SBSN: variants seen among roughly 807,000 people sequenced by gnomAD.
The protein encoded by SBSN is suprabasin.
SBSN carries 33 observed loss-of-function variants against 42.8 expected under a neutral mutation model. The observed-to-expected ratio is 0.77, with a 90% CI of 0.58 to 1.03. The LOEUF is 1.03. Among genes scored for constraint, SBSN ranks in the 50% least tolerant of loss-of-function variants. The pLI is 0.00. For missense variants in SBSN, 646 were observed against 757.3 expected (o/e 0.85, Z 1.72); for synonymous variants, 276 against 307.0 (o/e 0.90, Z 1.06).
In SBSN at chr19:35,527,757, G is replaced by A; in HGVS notation, c.525C>T (p.His175=). Residue 175 remains histidine, a synonymous_variant, in exon 1 of 4, where the codon CAC becomes CAT. Coordinates refer to ENST00000452271, the MANE Select transcript of SBSN (RefSeq NM_001166034.2). The part of the protein sequence containing the change: ...NEAGRFGQGV[H]HAAGQAGNEA... ...CATTTCCGGCCTGCCCTGCAGCATG[G>A]TGGACTCCCTGGCCAAACCTCCCAG... 1.3e-6 allele frequency: 2 copies of A among 1,582,670 alleles called. No homozygotes were observed. Among genetic ancestry groups the A allele is most frequent in the Non-Finnish European group, 1.7e-6 (2 of 1,165,286 alleles).
At position 35,526,691 on chromosome 19, in the gene SBSN, G is replaced by A; in HGVS notation, c.1591C>T (p.His531Tyr). 6.8e-7 allele frequency: 1 copy of A among 1,472,558 alleles called. No homozygotes were observed. The highest frequency in any genetic ancestry group is 9.1e-7 in the Non-Finnish European group (1 of 1,094,278). The allele number at this position is 1,472,558 out of a possible 1,614,324, so 91.2% of individuals were successfully genotyped here. Residue 531 changes from histidine to tyrosine, a missense_variant, in exon 1 of 4, where the codon CAT becomes TAT. Transcript: ENST00000452271. ...GQAGKELQNA[H>Y]NGVNQASKEA... ...TTGCTGGCTTGGTTGACCCCATTAT[G>A]AGCATTCTGCAGCTCCTTCCCGGCC...
At chr19:35,523,628 G>A in intron 3 of SBSN, 95 bp from the exon 4 acceptor site, 1 of 1,252,288 alleles carries the variant, frequency 8.0e-7, no homozygotes. Context: ...AGCACAAGGG[G>A]ACTGGCTGCT....
chr19:35,526,606 C>T, intron 1 of SBSN, 38 bp downstream of exon 1: 1 of 738,430 alleles, frequency 1.4e-6, no homozygotes, highest in East Asian at 3.2e-5. Flanking sequence ...CCTCCCCCAA[C>T]CCCCCTGTCC....
chr19:35,526,594 T>TCCCTCCCC, intron 1 of SBSN, 50 bp downstream of exon 1: 1 of 817,474 alleles, frequency 1.2e-6, no homozygotes, highest in Non-Finnish European at 1.9e-6. Flanking sequence ...GTTTAACCTT[T>TCCCTCCCC]CCCTCCCCCA....
chr19:35,527,094 C>T lies in SBSN; in HGVS notation c.1188G>A (p.Gln396=). ...CCACTCTGTCTTCCTCCTTCCCCAC[C>T]TGCGAGGCAGCATGGTGGACACCCT... ...FGQGVHHAAS[Q]VGKEEDRVVQ... The change falls in exon 1 of 4, where the codon CAG becomes CAA. Residue 396 remains glutamine (Q), a synonymous_variant. Transcript: ENST00000452271. 1.3e-6 allele frequency: 2 copies of T among 1,537,614 alleles called. No individual in the cohort carries two copies. Among genetic ancestry groups the T allele is most frequent in the Non-Finnish European group, 1.7e-6 (2 of 1,146,940 alleles).
In SBSN at chr19:35,526,749, C is replaced by T; in HGVS notation, c.1533G>A (p.Lys511=). 1 of 1,613,468 alleles carries T rather than the reference C, an allele frequency of 6.2e-7. No individual in the cohort carries two copies. The change falls in exon 1 of 4, where the codon AAG becomes AAA. Residue 511 remains lysine (K), a synonymous_variant. Transcript: ENST00000452271. ...AADQAGKEVE[K]LGQGAHHAAG... ...CAGCATGGTGGGCACCTTGGCCAAG[C>T]TTCTCCACTTCCTTTCCAGCCTGGT...
At position 35,527,172 on chromosome 19, in the gene SBSN, A is replaced by C. The variant is rs866624519; in HGVS notation, c.1110T>G (p.His370Gln). 5.3e-6 allele frequency: 8 copies of C among 1,520,076 alleles called. No individual in the cohort carries two copies. The Admixed American group carries it at 6.1e-5, about 12-fold the overall frequency. The allele number at this position is 1,520,076 out of a possible 1,614,324, so 94.2% of individuals were successfully genotyped here. The stretch of plus-strand genomic sequence containing the variant: ...CCTCATTAACCCCATGGTGGACCCC[A>C]TGGCCGAGCTTCTCTGTTTCCTTCC... ...QFGKETEKLG[H>Q]GVHHGVNEAW... Residue 370 changes from histidine to glutamine, a missense_variant, in exon 1 of 4, where the codon CAT (histidine) becomes CAG (glutamine). By Grantham distance (24) the His-to-Gln change is conservative. Transcript: ENST00000452271.
Position 35,527,158 on chromosome 19 carries a change from C to T in SBSN, c.1124G>A (p.Gly375Glu), listed in dbSNP as rs1279033896. 2 of 1,535,308 alleles carry T rather than the reference C, an allele frequency of 1.3e-6. No individual in the cohort carries two copies. The highest frequency in any genetic ancestry group is 2.5e-5 in the East Asian group (1 of 40,742). ...TEKLGHGVHHGVNEAWKEAEK... is the reference protein window; with the variant it reads ...TEKLGHGVHHEVNEAWKEAEK... ...TGCTTCCTTCCAGGCCTCATTAACC[C>T]CATGGTGGACCCCATGGCCGAGCTT... is the stretch of plus-strand genomic sequence containing the variant. Residue 375 changes from glycine to glutamate, a missense_variant, in exon 1 of 4, where the codon GGG becomes GAG. Coordinates refer to ENST00000452271, the MANE Select transcript of SBSN (RefSeq NM_001166034.2).
rs2071400516 is a variant in SBSN at position 35,527,878 on chromosome 19, T to G, written c.404A>C (p.His135Pro). 6.2e-7 allele frequency: 1 copy of G among 1,614,176 alleles called. No homozygotes were observed. Among genetic ancestry groups the G allele is most frequent in the East Asian group, 2.2e-5 (1 of 44,874 alleles). The change falls in exon 1 of 4, where the codon CAT becomes CCT. Residue 135 changes from histidine to proline, a missense_variant. This residue lies in a region of SBSN where 190 missense variants were observed against 197.1 expected (regional missense o/e 0.96). Coordinates refer to ENST00000452271, the MANE Select transcript of SBSN (RefSeq NM_001166034.2). ...QVGKEADKLIHHGVHHGANQA... is the reference protein window; with the variant it reads ...QVGKEADKLIPHGVHHGANQA... ...GTTGGCCCCGTGATGGACCCCATGATGGATCAGTTTGTCTGCCTCCTTCCC... is the reference window on the plus strand; with the variant it reads ...GTTGGCCCCGTGATGGACCCCATGAGGGATCAGTTTGTCTGCCTCCTTCCC...
rs1218727932 is a variant in SBSN at position 35,527,733 on chromosome 19, A to G, written c.549T>C (p.Asn183=). The stretch of plus-strand genomic sequence containing the variant: ...CTCCCTGGCCAAACCTCCCAGCCTC[A>G]TTTCCGGCCTGCCCTGCAGCATGGT... ...GVHHAAGQAG[N]EAGRFGQGVH... Residue 183 remains asparagine (N), a synonymous_variant, in exon 1 of 4, where the codon AAT becomes AAC. Coordinates refer to ENST00000452271, the MANE Select transcript of SBSN (RefSeq NM_001166034.2). 8.3e-6 allele frequency: 13 copies of G among 1,563,794 alleles called. No homozygotes were observed. In the East Asian group the frequency reaches 2.8e-4, roughly 33 times the overall value.
chr19:35,523,865 C>T (rs548222036), intron 3 of SBSN, among the ~76,000 whole-genome samples: 9 of 152,282 alleles, frequency 5.9e-5, no homozygotes, highest in African/African-American at 2.2e-4. Context: ...CACCAGGTCT[C>T]GGGCAGCAGA....
At chr19:35,525,875 G>T (rs1201115509) in intron 1 of SBSN, among the ~76,000 whole-genome samples, 3 of 152,102 alleles carry the variant, frequency 2.0e-5, no homozygotes, top group East Asian at 3.9e-4. Flanking sequence ...TAGAGATAGG[G>T]TTTCACCATG....
chr19:35,524,596 C>A, intron 3 of SBSN, 115 bp downstream of exon 3: 1 of 1,045,470 alleles, frequency 9.6e-7, no homozygotes, highest in Non-Finnish European at 1.4e-6. Context: ...AGGGTCTTTG[C>A]AGAGGCTGCA....
chr19:35,524,774 AAGGTC>A lies in SBSN; in HGVS notation c.1705-24_1705-20del, dbSNP rs1275533852. 6.2e-7 allele frequency: 1 copy of A among 1,613,958 alleles called. No individual in the cohort carries two copies. The highest frequency in any genetic ancestry group is 8.5e-7 in the Non-Finnish European group (1 of 1,179,960). ...CCGAGGCCTGCAATTCAAGGACAAG[AAGGTC>A]AGTCTCCAGCGTCTGACCCACAGCC... is the stretch of plus-strand genomic sequence containing the variant. On this transcript the variant is annotated intron_variant, in intron 2 of 3. Coordinates refer to ENST00000452271, the MANE Select transcript of SBSN (RefSeq NM_001166034.2).
At chr19:35,524,682 G>A in intron 3 of SBSN, 29 bp downstream of exon 3, 1 of 1,612,916 alleles carries the variant, frequency 6.2e-7, no homozygotes, top group Non-Finnish European at 8.5e-7. Flanking sequence ...AGGACGCAGA[G>A]CAGAAAAGAG....
At chr19:35,525,241 A>T (rs550126828) in intron 1 of SBSN, among the ~76,000 whole-genome samples, 4 of 152,258 alleles carry the variant, frequency 2.6e-5, no homozygotes, top group South Asian at 2.1e-4. Flanking sequence ...GTTTAACCTC[A>T]GCCCTGACCT....
Position 35,524,913 on chromosome 19 carries a change from T to C in SBSN, c.1650A>G (p.Gln550=). 1 of 1,614,000 alleles carries C rather than the reference T, an allele frequency of 6.2e-7. No individual in the cohort carries two copies. The highest frequency in any genetic ancestry group is 1.1e-5 in the South Asian group (1 of 91,070). The change falls in exon 2 of 4, where the codon CAA becomes CAG. Residue 550 remains glutamine, a synonymous_variant. Transcript: ENST00000452271. ...CTCCTTGATGGCTGGAAGATCCGCTTTGATGGTTGCCCTGTGGACAAAGCC... is the reference window on the plus strand; with the variant it reads ...CTCCTTGATGGCTGGAAGATCCGCTCTGATGGTTGCCCTGTGGACAAAGCC... ...EANQLLNGNH[Q]SGSSSHQGGA...
At chr19:35,523,866 G>C (rs1040725360) in intron 3 of SBSN, among the ~76,000 whole-genome samples, 2 of 152,104 alleles carry the variant, frequency 1.3e-5, no homozygotes, top group Non-Finnish European at 2.9e-5. Flanking sequence ...ACCAGGTCTC[G>C]GGCAGCAGAT....
At position 35,523,446 on chromosome 19, in the gene SBSN, T is replaced by A; in HGVS notation, c.*64A>T. The A allele has an allele frequency of 2.7e-5, 39 of 1,470,698 alleles. No homozygotes were observed. The highest frequency in any genetic ancestry group is 3.5e-5 in the Non-Finnish European group (37 of 1,052,600). The allele number at this position is 1,470,698 out of a possible 1,614,324, so 91.1% of individuals were successfully genotyped here. The stretch of plus-strand genomic sequence containing the variant: ...AAACCTGTCCCCCACCCCCAACCCC[T>A]CCAGGTCATGTCAGCTGATGTGACA... On this transcript the variant is annotated 3_prime_UTR_variant, in exon 4 of 4. Coordinates refer to ENST00000452271, the MANE Select transcript of SBSN (RefSeq NM_001166034.2).
Sources: gnomAD v4.1 joint callset for allele counts (sites outside exome capture counted in the v4.1 genomes callset) on GRCh38, gnomAD v4.1.1 for gene constraint, gnomAD v4.1.1 regional missense constraint, MANE v1.5 for transcripts, NCBI Gene and HGNC (gene_info 2026-07-23, HGNC 2026-07-21) for gene names.